The following UBA6 variants were observed in gnomAD, a reference collection of about 807,000 sequenced individuals.
UBA6 encodes the protein ubiquitin-like modifier-activating enzyme 6.
UBA6 carries 87 observed loss-of-function variants against 148.3 expected under a neutral mutation model. The observed-to-expected ratio is 0.59, with a 90% CI of 0.49 to 0.70. UBA6 has a LOEUF of 0.70. Among genes scored for constraint, UBA6 ranks in the 30% least tolerant of loss-of-function variants. The probability of loss-of-function intolerance (pLI) is 0.00; values close to 1 mark genes in which losing one functional copy is unlikely to be tolerated. For synonymous variants in UBA6, 376 were observed against 401.0 expected, an observed-to-expected ratio of 0.94 and a Z score of 0.75; for missense variants, 1,186 against 1,241.2, an observed-to-expected ratio of 0.96 and a Z score of 0.67.
At chr4:67,680,834 A>C (rs1277582867) in intron 4 of UBA6, among the ~76,000 whole-genome samples, 1 of 152,220 alleles carries the variant, frequency 6.6e-6, no homozygotes, top group Non-Finnish European at 1.5e-5. Context: ...GAACTGCCCT[A>C]TGGAGAAAGC....
intron 13 of UBA6, among the ~76,000 whole-genome samples, chr4:67,660,889 C>T (rs1404107946): frequency 6.6e-6 from 1 of 152,198 alleles, no homozygotes; most frequent in Non-Finnish European, 1.5e-5. Flanking sequence ...TGGGAACCCA[C>T]CTCTTGCATC....
In UBA6 at chr4:67,636,377, TCTCCTG is replaced by T. The variant is rs576994740; in HGVS notation, c.1737-825_1737-820del. 5.1e-3 allele frequency among the ~76,000 whole-genome samples: 777 copies of T among 152,232 alleles called. 7 individuals carry two copies. Among genetic ancestry groups the T allele is most frequent in the African/African-American group, 0.017 (719 of 41,530 alleles). On this transcript the variant is annotated intron_variant, in intron 19 of 32. Transcript: ENST00000322244. The stretch of plus-strand genomic sequence containing the variant: ...ATAAAGAAATTTAGGTCCCTCTCCC[TCTCCTG>T]CTCCCGCTCCCCACGGTCTCCCTCT...
chr4:67,615,931 G>A lies in UBA6; in HGVS notation c.*3066C>T, dbSNP rs914113001. On this transcript the variant is annotated 3_prime_UTR_variant, in exon 33 of 33. Transcript: ENST00000322244. ...TTGTGACTGGGAAGGAACTACATGT[G>A]TAATTTCTGAACTGCTGTCAATATA... The A allele has an allele frequency of 2.9e-6, 1 of 341,000 alleles. No individual in the cohort carries two copies. 21.1% of individuals were successfully genotyped at this position (341,000 alleles called of 1,614,324 possible).
Position 67,682,219 on chromosome 4 carries a change from C to A in UBA6, c.135-6G>T, listed in dbSNP as rs375393909. ...CAAGAACGTACCTCTGTCGACTACACGGAAAACACAATAAAAAACAAAAAA... is the reference window on the plus strand; with the variant it reads ...CAAGAACGTACCTCTGTCGACTACAAGGAAAACACAATAAAAAACAAAAAA... On this transcript the variant is annotated splice_region_variant and splice_polypyrimidine_tract_variant and intron_variant, in intron 2 of 32. Transcript: ENST00000322244. 6.2e-7 allele frequency: 1 copy of A among 1,607,294 alleles called. No homozygotes were observed. The highest frequency in any genetic ancestry group is 8.5e-7 in the Non-Finnish European group (1 of 1,176,106).
intron 27 of UBA6, 104 bp from the exon 28 acceptor site, chr4:67,626,581 A>G: frequency 1.4e-6 from 1 of 717,440 alleles, no homozygotes; most frequent in Non-Finnish European, 2.3e-6. Flanking sequence ...TATTTTCTCT[A>G]TATATTTTGA....
chr4:67,630,631 G>A, intron 25 of UBA6, 96 bp from the exon 26 acceptor site: 5 of 722,756 alleles, frequency 6.9e-6, no homozygotes, highest in East Asian at 3.2e-5. Context: ...GTAGTTTGAA[G>A]AAATATAACC....
intron 2 of UBA6, among the ~76,000 whole-genome samples, chr4:67,688,138 A>G (rs1730614717): frequency 6.6e-6 from 1 of 152,200 alleles, no homozygotes; most frequent in African/African-American, 2.4e-5. Context: ...TTCTGCTTTG[A>G]TATTAACCCT....
At chr4:67,630,414 C>A in intron 26 of UBA6, 52 bp downstream of exon 26, 1 of 1,196,130 alleles carries the variant, frequency 8.4e-7, no homozygotes, top group African/African-American at 1.5e-5. Flanking sequence ...CATCAGTCAT[C>A]TAATTCTAAT....
At chr4:67,682,681 T>C (rs1270482179) in intron 2 of UBA6, among the ~76,000 whole-genome samples, 2 of 152,176 alleles carry the variant, frequency 1.3e-5, no homozygotes, top group African/African-American at 4.8e-5. Context: ...TGTTAAGTTA[T>C]GCATCCTAAT....
At position 67,682,231 on chromosome 4, in the gene UBA6, T is replaced by C; in HGVS notation, c.135-18A>G. ...TCTGTCGACTACACGGAAAACACAA[T>C]AAAAAACAAAAAATTATTTCACTGA... is the stretch of plus-strand genomic sequence containing the variant. On this transcript the variant is annotated intron_variant, in intron 2 of 32. Coordinates refer to ENST00000322244, the MANE Select transcript of UBA6 (RefSeq NM_018227.6). The C allele has an allele frequency of 6.3e-7, 1 of 1,585,138 alleles. No individual in the cohort carries two copies. The highest frequency in any genetic ancestry group is 8.6e-7 in the Non-Finnish European group (1 of 1,158,292).
chr4:67,663,455 CTG>C (rs2109933628), intron 11 of UBA6: 1 of 397,390 alleles, frequency 2.5e-6, no homozygotes, highest in African/African-American at 2.1e-5. Context: ...AATTTGGAAA[CTG>C]TTAGTTCCTT....
chr4:67,636,609 G>T (rs549585974), intron 19 of UBA6, among the ~76,000 whole-genome samples: 2 of 152,232 alleles, frequency 1.3e-5, no homozygotes, highest in Non-Finnish European at 2.9e-5. Context: ...GGCCGGGCTG[G>T]TCTCCAGCTC....
intron 23 of UBA6, 77 bp downstream of exon 23, chr4:67,633,268 G>A: frequency 7.9e-7 from 1 of 1,271,890 alleles, no homozygotes; most frequent in Non-Finnish European, 1.1e-6. Flanking sequence ...CACATTTCAG[G>A]TCAATGAAAT....
At chr4:67,684,553 C>T (rs7657559) in intron 2 of UBA6, among the ~76,000 whole-genome samples, 23,084 of 152,158 alleles carry the variant, frequency 0.15, 1,821 homozygotes, top group South Asian at 0.22. Flanking sequence ...ATCTGTGTAA[C>T]TCTTTAATAT....
chr4:67,631,492 G>A (rs1728996109), intron 25 of UBA6, among the ~76,000 whole-genome samples: 3 of 152,118 alleles, frequency 2.0e-5, no homozygotes, highest in Admixed American at 1.3e-4. Context: ...TAAATAATGA[G>A]GTTATTTACC....
chr4:67,685,342 T>C (rs1329641494), intron 2 of UBA6, among the ~76,000 whole-genome samples: 1 of 152,078 alleles, frequency 6.6e-6, no homozygotes, highest in Non-Finnish European at 1.5e-5. Context: ...ACCCCAGTGG[T>C]TTTCTATTTC....
At position 67,618,901 on chromosome 4, in the gene UBA6, ATCCATAG is replaced by A; in HGVS notation, c.*89_*95del. On this transcript the variant is annotated 3_prime_UTR_variant, in exon 33 of 33. Transcript: ENST00000322244. ...AAAATTAAGGCTTAATGAAAGAGAAATCCATAGTATTATGAACTGATTTTCTTTAGCT... is the reference window on the plus strand; with the variant it reads ...AAAATTAAGGCTTAATGAAAGAGAAATATTATGAACTGATTTTCTTTAGCT... 8.2e-7 allele frequency: 1 copy of A among 1,224,632 alleles called. No homozygotes were observed. The highest frequency in any genetic ancestry group is 2.5e-5 in the East Asian group (1 of 40,782). 75.9% of individuals were successfully genotyped at this position (1,224,632 alleles called of 1,614,324 possible). A position where few individuals can be genotyped will look rare whatever the true frequency, so the allele number is the denominator to read the frequency against.
At chr4:67,662,837 A>T (rs891680428) in intron 12 of UBA6, 1 of 228,676 alleles carries the variant, frequency 4.4e-6, no homozygotes, top group Non-Finnish European at 8.5e-6. Flanking sequence ...TATAAAGTTA[A>T]AAAAAAAATT....
chr4:67,658,235 TTCAC>T (rs1205490529), intron 13 of UBA6, among the ~76,000 whole-genome samples: 1 of 152,198 alleles, frequency 6.6e-6, no homozygotes, highest in Non-Finnish European at 1.5e-5. Flanking sequence ...TAAAGACAAA[TTCAC>T]ACGTATGTTT....
Sources: gnomAD v4.1 joint callset for allele counts (sites outside exome capture counted in the v4.1 genomes callset) on GRCh38, gnomAD v4.1.1 for gene constraint, MANE v1.5 for transcripts, NCBI Gene and HGNC (gene_info 2026-07-23, HGNC 2026-07-21) for gene names.